GAS2L2: variants seen among roughly 807,000 people sequenced by gnomAD.
GAS2L2 encodes the protein growth arrest specific 2 like 2.
Under a neutral mutation model 35.2 loss-of-function variants are expected in GAS2L2, and 21 were observed. The observed-to-expected ratio is 0.60, with a 90% confidence interval of 0.42 to 0.86. The LOEUF is 0.86. Among genes scored for constraint, GAS2L2 ranks in the 40% least tolerant of loss-of-function variants. GAS2L2 has a pLI of 0.00. For missense variants in GAS2L2, 1,169 were observed against 1,144.4 expected (o/e 1.02, Z -0.31); for synonymous variants, 490 against 473.2 (o/e 1.04, Z -0.46).
In GAS2L2 at chr17:35,747,171, GGT is replaced by G; in HGVS notation, c.928_929del (p.Thr310HisfsTer100). Reference sequence around the variant, plus strand: ...GTGGTGGGCTCTGTGAGCGGCTGATGGTCATTGTAGGCTGGGTCTGTGAGGGT... The same window carrying G: ...GTGGTGGGCTCTGTGAGCGGCTGATGCATTGTAGGCTGGGTCTGTGAGGGT... ...DGPSQTQPTM[T>X]ISRSQSPPPP... On this transcript the variant is annotated frameshift_variant, in exon 5 of 6. Coordinates refer to ENST00000604641, the MANE Select transcript of GAS2L2 (RefSeq NM_139285.4). LOFTEE classifies it high-confidence loss of function. 6.2e-7 allele frequency: 1 copy of G among 1,614,068 alleles called. No individual in the cohort carries two copies. The highest frequency in any genetic ancestry group is 1.3e-5 in the African/African-American group (1 of 75,040).
In GAS2L2 at chr17:35,746,171, G is replaced by A; in HGVS notation, c.1326C>T (p.Ala442=). The stretch of plus-strand genomic sequence containing the variant: ...ATATCCCTTTGGTGGTGGCCTCAAT[G>A]GCTCGGAGTCTTTGTGGGGTGGGGT... ...AGNPTPQRLR[A]IEATTKGISA... Residue 442 remains alanine, a synonymous_variant, in exon 6 of 6, where the codon GCC becomes GCT. Coordinates refer to ENST00000604641, the MANE Select transcript of GAS2L2 (RefSeq NM_139285.4). 1 of 1,492,348 alleles carries A rather than the reference G, an allele frequency of 6.7e-7. No homozygotes were observed. Among genetic ancestry groups the A allele is most frequent in the South Asian group, 1.5e-5 (1 of 67,306 alleles). The allele number at this position is 1,492,348 out of a possible 1,614,324, so 92.4% of individuals were successfully genotyped here. A position where few individuals can be genotyped will look rare whatever the true frequency, so the allele number is the denominator to read the frequency against.
Position 35,751,950 on chromosome 17 carries a change from G to A in GAS2L2, c.385+516C>T, listed in dbSNP as rs144557804. Among the ~76,000 whole-genome samples, 1,297 of 146,206 alleles carry A rather than the reference G, an allele frequency of 8.9e-3. 10 individuals carry two copies. Among genetic ancestry groups the A allele is most frequent in the African/African-American group, 0.031 (1,207 of 38,950 alleles). ...CAGCTCACTGCAACCTCTGCCTCCT[G>A]GGTTCAGGCAATTCTCCTATCTCAG... On this transcript the variant is annotated intron_variant, in intron 1 of 5. Transcript: ENST00000604641.
At position 35,747,044 on chromosome 17, in the gene GAS2L2, C is replaced by A. The variant is rs200003144; in HGVS notation, c.1057G>T (p.Ala353Ser). 9.3e-5 allele frequency: 148 copies of A among 1,595,808 alleles called. 1 individual carries two copies. In the East Asian group the frequency reaches 1.9e-3, roughly 20 times the overall value. ...PRRERGAGTG[A>S]SREMAPFLRC... The stretch of plus-strand genomic sequence containing the variant: ...AGGAATGGTGCCATCTCTCTGGAGG[C>A]CCCCGTCCCTGCTCCCCGTTCCCTG... The change falls in exon 5 of 6, where the codon GCC becomes TCC. Residue 353 changes from alanine to serine, a missense_variant. Ala to Ser is a moderately conservative substitution (Grantham distance 99, BLOSUM62 1). This residue lies in a region of GAS2L2 where 1,035 missense variants were observed against 976.5 expected (regional missense o/e 1.06). Coordinates refer to ENST00000604641, the MANE Select transcript of GAS2L2 (RefSeq NM_139285.4).
In GAS2L2 at chr17:35,745,165, G is replaced by C. The variant is rs1555598666; in HGVS notation, c.2332C>G (p.Pro778Ala). 6.2e-7 allele frequency: 1 copy of C among 1,612,592 alleles called. No homozygotes were observed. The highest frequency in any genetic ancestry group is 1.7e-5 in the Admixed American group (1 of 59,958). ...VPSIYKLKLR[P>A]RIRPRRDHRP... The stretch of plus-strand genomic sequence containing the variant: ...TGGTCTCTCCGGGGCCGAATCCTGG[G>C]TCTCAGCTTCAGCTTGTAGATGGAC... Residue 778 changes from proline (P) to alanine (A), a missense_variant, in exon 6 of 6, where the codon CCC becomes GCC. Physicochemically the swap from Pro to Ala is conservative, Grantham distance 27. Coordinates refer to ENST00000604641, the MANE Select transcript of GAS2L2 (RefSeq NM_139285.4).
In GAS2L2 at chr17:35,746,099, C is replaced by G. The variant is rs2085665887; in HGVS notation, c.1398G>C (p.Glu466Asp). ...GGAGTGGCAGCCTGAGGCCCAGGCA[C>G]TCGGCTGGGCCAAAGGAACGAGGCA... ...SPLPRSFGPAECLGLRLPLRD... is the reference protein window; with the variant it reads ...SPLPRSFGPADCLGLRLPLRD... The change falls in exon 6 of 6, where the codon GAG becomes GAC. Residue 466 changes from glutamate (E) to aspartate (D), a missense_variant. This residue lies in a region of GAS2L2 where 1,035 missense variants were observed against 976.5 expected (regional missense o/e 1.06). Transcript: ENST00000604641. 6.6e-7 allele frequency: 1 copy of G among 1,515,866 alleles called. No individual in the cohort carries two copies. Among genetic ancestry groups the G allele is most frequent in the East Asian group, 2.3e-5 (1 of 43,992 alleles). The allele number at this position is 1,515,866 out of a possible 1,614,324, so 93.9% of individuals were successfully genotyped here.
At chr17:35,748,999 T>C in intron 3 of GAS2L2, 111 bp downstream of exon 3, 1 of 663,392 alleles carries the variant, frequency 1.5e-6, no homozygotes, top group East Asian at 2.7e-5. Context: ...GGAGGTGTCA[T>C]TGTTCCAAGC....
At position 35,745,282 on chromosome 17, in the gene GAS2L2, G is replaced by C. The variant is rs770241466; in HGVS notation, c.2215C>G (p.Pro739Ala). 6.2e-7 allele frequency: 1 copy of C among 1,611,496 alleles called. No homozygotes were observed. Among genetic ancestry groups the C allele is most frequent in the South Asian group, 1.1e-5 (1 of 90,762 alleles). The change falls in exon 6 of 6, where the codon CCC (proline) becomes GCC (alanine). Residue 739 changes from proline (P) to alanine (A), a missense_variant. Pro to Ala is a conservative substitution (Grantham distance 27). Around this residue, in one of 3 missense-constraint regions of GAS2L2, gnomAD observed 1,035 missense variants for 976.5 expected, o/e 1.06. Transcript: ENST00000604641. ...TTGGGGTCCAAGGGCGAAGGTGTGG[G>C]GGCCTCCGGGCTGGCAGACACAGTA... Reference protein sequence around the residue: ...ASTVSASPEAPTPSPLDPNSD... With the variant: ...ASTVSASPEAATPSPLDPNSD...
chr17:35,746,125 G>A lies in GAS2L2; in HGVS notation c.1372C>T (p.Leu458=), dbSNP rs371509072. Residue 458 remains leucine, a synonymous_variant, in exon 6 of 6, where the codon CTG becomes TTG. Coordinates refer to ENST00000604641, the MANE Select transcript of GAS2L2 (RefSeq NM_139285.4). ...TCGGCTGGGCCAAAGGAACGAGGCAGGGGAGATGGTCCTCTTGCTGATATC... is the reference window on the plus strand; with the variant it reads ...TCGGCTGGGCCAAAGGAACGAGGCAAGGGAGATGGTCCTCTTGCTGATATC... ...KGISARGPSP[L]PRSFGPAECL... is the part of the protein sequence containing the mutation. The A allele has an allele frequency of 1.1e-5, 17 of 1,511,074 alleles. No homozygotes were observed. In the African/African-American group the frequency reaches 2.4e-4, roughly 21 times the overall value. The allele number at this position is 1,511,074 out of a possible 1,614,324, so 93.6% of individuals were successfully genotyped here.
chr17:35,749,968 A>C, intron 2 of GAS2L2, 109 bp downstream of exon 2: 19 of 947,750 alleles, frequency 2.0e-5, no homozygotes, highest in Non-Finnish European at 2.9e-5. Context: ...CAGGGTGGAC[A>C]ATGGAGCTCA....
Position 35,749,074 on chromosome 17 carries a change from A to C in GAS2L2, c.735+36T>G, listed in dbSNP as rs782600869. ...GTCCCAAGCCTGGGCAAGAAACCCTATTCTGGGGGTCCCTTGACCCCCAGC... is the reference window on the plus strand; with the variant it reads ...GTCCCAAGCCTGGGCAAGAAACCCTCTTCTGGGGGTCCCTTGACCCCCAGC... On this transcript the variant is annotated intron_variant, in intron 3 of 5. Coordinates refer to ENST00000604641, the MANE Select transcript of GAS2L2 (RefSeq NM_139285.4). The C allele has an allele frequency of 6.5e-6, 9 of 1,386,662 alleles. No individual in the cohort carries two copies. The African/African-American group carries it at 8.6e-5, about 13-fold the overall frequency. The allele number at this position is 1,386,662 out of a possible 1,614,324, so 85.9% of individuals were successfully genotyped here.
At chr17:35,747,343 C>G in intron 4 of GAS2L2, 75 bp from the exon 5 acceptor site, 1 of 1,464,972 alleles carries the variant, frequency 6.8e-7, no homozygotes, top group East Asian at 2.3e-5. Flanking sequence ...TGTTCCTCCC[C>G]CAGTGGTCCC....
chr17:35,746,569 G>A (rs587632671), intron 5 of GAS2L2, among the ~76,000 whole-genome samples, 158 bp from the exon 6 acceptor site: 24 of 152,224 alleles, frequency 1.6e-4, no homozygotes, highest in South Asian at 4.2e-4. Flanking sequence ...CCTCTCCTCC[G>A]TGACTGCCCA....
rs185846403 is a variant in GAS2L2, at chr17:35,746,023, G to A, written c.1474C>T (p.Arg492Cys). ...FFQFREPESV[R>C]SPTPVQGLTK... ...AGGCCTTGGACAGGGGTTGGAGAAC[G>A]GACAGACTCTGGCTCCCTGAACTGG... is the stretch of plus-strand genomic sequence containing the variant. Residue 492 changes from arginine (R) to cysteine (C), a missense_variant, in exon 6 of 6, where the codon CGT becomes TGT. Transcript: ENST00000604641. 81 of 1,556,792 alleles carry A rather than the reference G, an allele frequency of 5.2e-5. No individual in the cohort carries two copies. The highest frequency in any genetic ancestry group is 4.8e-4 in the Admixed American group (26 of 54,310).
At position 35,746,330 on chromosome 17, in the gene GAS2L2, G is replaced by C. The variant is rs587765443; in HGVS notation, c.1167C>G (p.Thr389=). ...TACACTGTGGGTCTCGGCCTTTTTGGGTAGATGAGGACTGGGGGCTGGGTG... is the reference window on the plus strand; with the variant it reads ...TACACTGTGGGTCTCGGCCTTTTTGCGTAGATGAGGACTGGGGGCTGGGTG... ...DSPPSPQSSS[T]QKGRDPQCTS... is the part of the protein sequence containing the mutation. The change falls in exon 6 of 6, where the codon ACC becomes ACG. Residue 389 remains threonine (T), a synonymous_variant. Transcript: ENST00000604641. 33 of 1,395,110 alleles carry C rather than the reference G, an allele frequency of 2.4e-5. No homozygotes were observed. The African/African-American group carries it at 4.2e-4, about 18-fold the overall frequency. 86.4% of individuals were successfully genotyped at this position (1,395,110 alleles called of 1,614,324 possible). A position where few individuals can be genotyped will look rare whatever the true frequency, so the allele number is the denominator to read the frequency against.
intron 4 of GAS2L2, 96 bp downstream of exon 4, chr17:35,747,753 G>A: frequency 1.0e-6 from 1 of 986,238 alleles, no homozygotes; most frequent in Non-Finnish European, 1.6e-6. Flanking sequence ...CCCTCCTGGA[G>A]ATCAGACATA....
intron 1 of GAS2L2, among the ~76,000 whole-genome samples, chr17:35,751,009 A>G (rs1196758070): frequency 6.6e-6 from 1 of 152,138 alleles, no homozygotes; most frequent in Admixed American, 6.5e-5. Context: ...TAACCTTCCA[A>G]TTCTGTTCCT....
At position 35,750,304 on chromosome 17, in the gene GAS2L2, C is replaced by T; in HGVS notation, c.400G>A (p.Glu134Lys). The change falls in exon 2 of 6, where the codon GAG becomes AAG. Residue 134 changes from glutamate (E) to lysine (K), a missense_variant. By Grantham distance (56) the Glu-to-Lys change is moderately conservative. This residue lies in a region of GAS2L2 where 1,035 missense variants were observed against 976.5 expected (regional missense o/e 1.06). Coordinates refer to ENST00000604641, the MANE Select transcript of GAS2L2 (RefSeq NM_139285.4). ...EMGIQEVLMFETEDLVLRKNV... is the reference protein window; with the variant it reads ...EMGIQEVLMFKTEDLVLRKNV... ...TTGCGCAGCACCAAGTCCTCCGTCTCGAACATCAGCACCTCTGGAGTGGAG... is the reference window on the plus strand; with the variant it reads ...TTGCGCAGCACCAAGTCCTCCGTCTTGAACATCAGCACCTCTGGAGTGGAG... The T allele has an allele frequency of 2.5e-6, 4 of 1,613,914 alleles. No individual in the cohort carries two copies. The South Asian group carries it at 3.3e-5, about 13-fold the overall frequency.
At position 35,745,284 on chromosome 17, in the gene GAS2L2, G is replaced by T; in HGVS notation, c.2213C>A (p.Ala738Asp). 6.2e-7 allele frequency: 1 copy of T among 1,611,604 alleles called. No individual in the cohort carries two copies. Among genetic ancestry groups the T allele is most frequent in the Non-Finnish European group, 8.5e-7 (1 of 1,178,510 alleles). ...GGGGTCCAAGGGCGAAGGTGTGGGGGCCTCCGGGCTGGCAGACACAGTAGA... is the reference window on the plus strand; with the variant it reads ...GGGGTCCAAGGGCGAAGGTGTGGGGTCCTCCGGGCTGGCAGACACAGTAGA... ...SASTVSASPE[A>D]PTPSPLDPNS... The change falls in exon 6 of 6, where the codon GCC becomes GAC. Residue 738 changes from alanine to aspartate, a missense_variant. Physicochemically the swap from Ala to Asp is moderately radical, Grantham distance 126 (BLOSUM62 -2). This residue lies in a region of GAS2L2 where 1,035 missense variants were observed against 976.5 expected (regional missense o/e 1.06). Coordinates refer to ENST00000604641, the MANE Select transcript of GAS2L2 (RefSeq NM_139285.4).
rs781809273 is a variant in GAS2L2, at chr17:35,747,237, C to A, written c.864G>T (p.Pro288=). The part of the protein sequence containing the change: ...SHKPGSFLKP[P]APPVQHEVRV... ...TTACTTCATGCTGCACTGGTGGGGC[C>A]GGGGGCTTCAGGAAGCTGCCTGGCT... The change falls in exon 5 of 6, where the codon CCG becomes CCT. Residue 288 remains proline (P), a synonymous_variant. Transcript: ENST00000604641. 6.2e-7 allele frequency: 1 copy of A among 1,612,442 alleles called. No homozygotes were observed. Among genetic ancestry groups the A allele is most frequent in the Non-Finnish European group, 8.5e-7 (1 of 1,179,128 alleles).
Sources: gnomAD v4.1 joint callset for allele counts (sites outside exome capture counted in the v4.1 genomes callset) on GRCh38, gnomAD v4.1.1 for gene constraint, gnomAD v4.1.1 regional missense constraint, MANE v1.5 for transcripts, NCBI Gene and HGNC (gene_info 2026-07-23, HGNC 2026-07-21) for gene names.